The following TANC2 variants were observed in gnomAD, a reference collection of about 807,000 sequenced individuals.
TANC2 encodes the protein protein TANC2.
Under a neutral mutation model 210.5 loss-of-function variants are expected in TANC2, and 26 were observed. That is an observed-to-expected ratio of 0.12 (90% CI 0.09 to 0.17). The LOEUF is 0.17. Ranked by LOEUF, TANC2 falls within the 10% of genes least tolerant of loss-of-function variation. TANC2 has a pLI of 1.00. For missense variants in TANC2, 2,129 were observed against 2,608.9 expected (o/e 0.82, Z 4.01); for synonymous variants, 931 against 967.1 (o/e 0.96, Z 0.69).
At chr17:63,268,680 A>G (rs1598741710) in intron 9 of TANC2, among the ~76,000 whole-genome samples, 2 of 152,300 alleles carry the variant, frequency 1.3e-5, no homozygotes, top group East Asian at 1.9e-4. Context: ...GAAAGTGCCT[A>G]TAATCCTGGC....
chr17:63,377,920 G>A (rs2047477034), intron 14 of TANC2, among the ~76,000 whole-genome samples: 1 of 152,174 alleles, frequency 6.6e-6, no homozygotes, highest in South Asian at 2.1e-4. Flanking sequence ...CCAGGGAAAT[G>A]CCAGACACTT....
In TANC2 at chr17:63,071,676, A is replaced by G. The variant is rs181398379; in HGVS notation, c.68-2267A>G. Among the ~76,000 whole-genome samples the G allele has an allele frequency of 1.2e-3, 187 of 152,210 alleles. 1 individual carries two copies. The highest frequency in any genetic ancestry group is 4.3e-3 in the African/African-American group (180 of 41,532). The stretch of plus-strand genomic sequence containing the variant: ...AAACATTTTTTTTTCTTTAGAGAAT[A>G]TATCTTTTGATTTTATATTGGAAGC... On this transcript the variant is annotated intron_variant, in intron 2 of 27. Transcript: ENST00000689528.
intron 21 of TANC2, 97 bp from the exon 22 acceptor site, chr17:63,411,414 C>A: frequency 8.4e-7 from 1 of 1,186,286 alleles, no homozygotes; most frequent in Non-Finnish European, 1.2e-6. Context: ...CAGAAACGAG[C>A]AGTGTTCTTT....
intron 4 of TANC2, among the ~76,000 whole-genome samples, chr17:63,110,501 G>C (rs2037994471): frequency 6.6e-6 from 1 of 151,680 alleles, no homozygotes; most frequent in African/African-American, 2.4e-5. Flanking sequence ...TGGTGGCTGG[G>C]AAGTCTAAGA....
At chr17:63,037,377 G>A (rs2144211624) in intron 2 of TANC2, among the ~76,000 whole-genome samples, 1 of 152,136 alleles carries the variant, frequency 6.6e-6, no homozygotes, top group African/African-American at 2.4e-5. Context: ...GGTAATTTCT[G>A]GGATTTTCCA....
chr17:62,994,064 G>C (rs946834985), intron 1 of TANC2, among the ~76,000 whole-genome samples: 1 of 152,198 alleles, frequency 6.6e-6, no homozygotes. Flanking sequence ...TTTGTGAATA[G>C]AGACTGAGTT....
chr17:63,107,169 A>G (rs544939727), intron 4 of TANC2, among the ~76,000 whole-genome samples: 1 of 151,804 alleles, frequency 6.6e-6, no homozygotes, highest in South Asian at 2.1e-4. Context: ...AAATAAGATA[A>G]AATAAGTTGC....
chr17:63,161,492 C>A (rs902422563), intron 5 of TANC2, among the ~76,000 whole-genome samples: 1 of 152,140 alleles, frequency 6.6e-6, no homozygotes, highest in Admixed American at 6.5e-5. Flanking sequence ...ATTTAACTTA[C>A]CTGCAACACT....
intron 3 of TANC2, among the ~76,000 whole-genome samples, chr17:63,079,383 CCA>C (rs1308642616): frequency 6.6e-6 from 1 of 152,102 alleles, no homozygotes; most frequent in Non-Finnish European, 1.5e-5. Flanking sequence ...TAGTTTTCTT[CCA>C]CAGTTTGCCC....
intron 18 of TANC2, among the ~76,000 whole-genome samples, chr17:63,397,854 A>G (rs2048218567): frequency 6.6e-6 from 1 of 152,242 alleles, no homozygotes; most frequent in Admixed American, 6.5e-5. Context: ...TTTGATTTCT[A>G]ATAAACAACT....
At chr17:63,268,268 C>G (rs2043591158) in intron 9 of TANC2, among the ~76,000 whole-genome samples, 1 of 152,120 alleles carries the variant, frequency 6.6e-6, no homozygotes. Flanking sequence ...TTGAGCATCC[C>G]TAATCTGAAA....
chr17:62,997,331 T>C (rs745305938), intron 1 of TANC2, among the ~76,000 whole-genome samples: 4 of 152,126 alleles, frequency 2.6e-5, no homozygotes, highest in Non-Finnish European at 5.9e-5. Flanking sequence ...CTGCATCTTA[T>C]CTGTAATGTT....
chr17:63,092,862 A>T (rs1313122653), intron 3 of TANC2, among the ~76,000 whole-genome samples: 5 of 152,108 alleles, frequency 3.3e-5, no homozygotes, highest in Non-Finnish European at 7.4e-5. Flanking sequence ...GCAAATATCC[A>T]AACTATATTA....
At chr17:63,358,376 A>AGAGTGTGTGTGTGTGTGTGTGTGTGT (rs1470682571) in intron 14 of TANC2, among the ~76,000 whole-genome samples, 1 of 80,938 alleles carries the variant, frequency 1.2e-5, no homozygotes, top group African/African-American at 3.7e-5. Context: ...AGAGAGAGAG[A>AGAGTGTGTGTGTGTGTGTGTGTGTGT]GTATGTGTGT....
chr17:63,215,462 C>T lies in TANC2; in HGVS notation c.769+14505C>T, dbSNP rs546020024. Among the ~76,000 whole-genome samples the T allele has an allele frequency of 5.3e-5, 8 of 152,236 alleles. No homozygotes were observed. In the South Asian group the frequency reaches 1.7e-3, roughly 32 times the overall value. ...ATAGCTTCAGGATAGGGAATGGTCA[C>T]CAGAAAGACCAGGGAATGACTACGG... On this transcript the variant is annotated intron_variant, in intron 7 of 27. Transcript: ENST00000689528.
chr17:63,391,547 T>C (rs1202400160), intron 17 of TANC2: 1 of 152,108 alleles, frequency 6.6e-6, no homozygotes, highest in African/African-American at 2.4e-5. Context: ...TAAAGTCTCT[T>C]TTAATCTTAT....
intron 24 of TANC2, chr17:63,413,196 A>G (rs1199418608): frequency 1.8e-5 from 4 of 228,190 alleles, no homozygotes; most frequent in Non-Finnish European, 2.5e-5. Flanking sequence ...TGGACTTTTC[A>G]AATCCTGTGG....
chr17:63,334,608 A>G (rs2045966008), intron 11 of TANC2, among the ~76,000 whole-genome samples: 1 of 152,208 alleles, frequency 6.6e-6, no homozygotes, highest in African/African-American at 2.4e-5. Context: ...ACTGATAGAT[A>G]CTAAAATTAA....
At chr17:63,141,738 A>G (rs2039300216) in intron 4 of TANC2, among the ~76,000 whole-genome samples, 1 of 152,126 alleles carries the variant, frequency 6.6e-6, no homozygotes, top group Admixed American at 6.6e-5. Context: ...ATCCCATTTC[A>G]TCAGTCTTTC....
Sources: gnomAD v4.1 joint callset for allele counts (sites outside exome capture counted in the v4.1 genomes callset) on GRCh38, gnomAD v4.1.1 for gene constraint, MANE v1.5 for transcripts, NCBI Gene and HGNC (gene_info 2026-07-23, HGNC 2026-07-21) for gene names.